The following PNPLA1 variants were observed in gnomAD, a reference collection of about 807,000 sequenced individuals.
PNPLA1 encodes omega-hydroxyceramide transacylase.
PNPLA1 carries 36 observed loss-of-function variants against 51.7 expected under a neutral mutation model. The observed-to-expected ratio is 0.70, with a 90% CI of 0.53 to 0.92. The LOEUF (loss-of-function observed/expected upper bound fraction) is 0.92, where lower values mean the gene tolerates loss of function less well. Ranked by LOEUF, PNPLA1 falls within the 40% of genes least tolerant of loss-of-function variation. The pLI, the probability that PNPLA1 is intolerant of heterozygous loss-of-function variation, is 0.00. For synonymous variants in PNPLA1, 293 were observed against 280.1 expected (o/e 1.05, Z -0.46); for missense variants, 658 against 682.5 (o/e 0.96, Z 0.40).
At chr6:36,305,511 A>G (rs1378314020) in intron 6 of PNPLA1, among the ~76,000 whole-genome samples, 1 of 152,198 alleles carries the variant, frequency 6.6e-6, no homozygotes, top group Admixed American at 6.5e-5. Flanking sequence ...TTATTTATAT[A>G]TAATACATAA....
chr6:36,307,762 G>A (rs777921033), intron 8 of PNPLA1, 50 bp downstream of exon 8: 36 of 1,606,290 alleles, frequency 2.2e-5, no homozygotes, highest in Non-Finnish European at 2.9e-5. Context: ...GCAGCTTTGG[G>A]AACTGTGTTC....
In PNPLA1 at chr6:36,270,093, G is replaced by T. The variant is rs1003460858; in HGVS notation, c.-367G>T. ...CCCTGTGCTGGGGAGCAGTGAATGC[G>T]CCCTGGTATACCATGGATGGGCAGA... is the stretch of plus-strand genomic sequence containing the variant. On this transcript the variant is annotated 5_prime_UTR_variant, in exon 1 of 9. Transcript: ENST00000636260. Among the ~76,000 whole-genome samples the T allele has an allele frequency of 1.3e-5, 2 of 152,248 alleles. No homozygotes were observed. Among genetic ancestry groups the T allele is most frequent in the Non-Finnish European group, 2.9e-5 (2 of 68,042 alleles).
Position 36,294,291 on chromosome 6 carries a change from G to T in PNPLA1, c.606G>T (p.Arg202=), listed in dbSNP as rs375591807. The change falls in exon 4 of 9, where the codon CGG becomes CGT. Residue 202 remains arginine (R), a synonymous_variant. Coordinates refer to ENST00000636260, the MANE Select transcript of PNPLA1 (RefSeq NM_001374623.1). The surrounding 1 kb of genome is among the most constrained non-coding windows in gnomAD (Gnocchi z 4.2). ...TFSGQQDICP[R]DCPAIFHDFR... ...GTGGGCAGCAGGACATCTGTCCCCG[G>T]GACTGCCCGGCCATCTTCCACGACT... 18 of 1,614,026 alleles carry T rather than the reference G, an allele frequency of 1.1e-5. No homozygotes were observed. The African/African-American group carries it at 2.4e-4, about 22-fold the overall frequency.
chr6:36,292,049 C>T (rs1359927793), intron 2 of PNPLA1, among the ~76,000 whole-genome samples: 5 of 152,140 alleles, frequency 3.3e-5, no homozygotes, highest in Non-Finnish European at 5.9e-5. Flanking sequence ...ATCCTGAGTG[C>T]GCTGCCCTAA....
At chr6:36,272,154 C>T (rs1295690677) in intron 1 of PNPLA1, among the ~76,000 whole-genome samples, 1 of 152,154 alleles carries the variant, frequency 6.6e-6, no homozygotes, top group Non-Finnish European at 1.5e-5. Context: ...AATAATTATA[C>T]AACTCACCAT....
Position 36,312,602 on chromosome 6 carries a change from A to C in PNPLA1, c.*716A>C, listed in dbSNP as rs1352476416. ...AGAACGGGAGCTGGAACGGGAGAGA[A>C]CCTGAGGACCCTGAGGCCAAGCCTG... On this transcript the variant is annotated 3_prime_UTR_variant, in exon 9 of 9. Coordinates refer to ENST00000636260, the MANE Select transcript of PNPLA1 (RefSeq NM_001374623.1). Among the ~76,000 whole-genome samples, 2 of 152,092 alleles carry C rather than the reference A, an allele frequency of 1.3e-5. No individual in the cohort carries two copies. Among genetic ancestry groups the C allele is most frequent in the African/African-American group, 4.8e-5 (2 of 41,396 alleles).
At chr6:36,265,409 A>G (rs1015632987), upstream of PNPLA1, among the ~76,000 whole-genome samples, 1 of 152,184 alleles carries the variant, frequency 6.6e-6, no homozygotes, top group African/African-American at 2.4e-5. Context: ...AAAAAAATCT[A>G]CTTCTTGGCT....
chr6:36,303,112 T>TTC (rs1771119897), intron 6 of PNPLA1, among the ~76,000 whole-genome samples: 1 of 152,182 alleles, frequency 6.6e-6, no homozygotes, highest in Non-Finnish European at 1.5e-5. Flanking sequence ...ATTTTTTTTT[T>TTC]TAGATGGAAT....
At chr6:36,269,542 C>T (rs1414005249), upstream of PNPLA1, among the ~76,000 whole-genome samples, 1 of 152,166 alleles carries the variant, frequency 6.6e-6, no homozygotes, top group Admixed American at 6.5e-5. Context: ...GAACACGCAA[C>T]ACGAAGCCTC....
rs571224988 is a variant in PNPLA1, at chr6:36,245,735, T to C, written c.-81+2474T>C. Reference sequence around the variant, plus strand: ...TCATTCAGTCCTCACAACAGCCTTGTGGGTACCTGGCAGGAACCGTCATCC... The same window carrying C: ...TCATTCAGTCCTCACAACAGCCTTGCGGGTACCTGGCAGGAACCGTCATCC... On this transcript the variant is annotated intron_variant, in intron 1 of 7. Coordinates refer to the PNPLA1 transcript ENST00000312917. 3.0e-4 allele frequency among the ~76,000 whole-genome samples: 45 copies of C among 152,332 alleles called. No individual in the cohort carries two copies. The South Asian group carries it at 6.8e-3, about 23-fold the overall frequency.
intron 1 of PNPLA1, among the ~76,000 whole-genome samples, chr6:36,253,731 G>A (rs752243829): frequency 7.9e-5 from 12 of 152,062 alleles, no homozygotes; most frequent in Middle Eastern, 3.2e-3. Flanking sequence ...CTCCTGCCTC[G>A]GCTTCCCAAA....
At chr6:36,303,470 C>T (rs553260433) in intron 6 of PNPLA1, among the ~76,000 whole-genome samples, 12 of 152,298 alleles carry the variant, frequency 7.9e-5, no homozygotes, top group East Asian at 7.7e-4. Flanking sequence ...AAAGATAAAA[C>T]GTTCTCAATT....
chr6:36,277,394 A>G (rs1582056492), intron 1 of PNPLA1, among the ~76,000 whole-genome samples: 1 of 152,240 alleles, frequency 6.6e-6, no homozygotes, highest in African/African-American at 2.4e-5. Flanking sequence ...GGAAATGTAG[A>G]CTTTATTTTT....
chr6:36,286,147 A>G (rs1215599090), intron 1 of PNPLA1, among the ~76,000 whole-genome samples: 1 of 152,246 alleles, frequency 6.6e-6, no homozygotes, highest in Non-Finnish European at 1.5e-5. Flanking sequence ...CCTCATCATA[A>G]TCCAGTAAGG....
intron 8 of PNPLA1, among the ~76,000 whole-genome samples, chr6:36,309,660 G>T (rs1771343934): frequency 6.6e-6 from 1 of 152,238 alleles, no homozygotes; most frequent in African/African-American, 2.4e-5. Flanking sequence ...TTCATAAACT[G>T]TGGGAAGCAT....
Position 36,293,104 on chromosome 6 carries a change from TC to T in PNPLA1, c.488del (p.Pro163ArgfsTer6). ...TTCGTCCCGGTGTACTGTGGCCTCATCCCCCCGACTTACCGCGGTGTGGTGA... is the reference window on the plus strand; with the variant it reads ...TTCGTCCCGGTGTACTGTGGCCTCATCCCCCGACTTACCGCGGTGTGGTGA... ...SCFVPVYCGL[I>X]PPTYRGVRYI... On this transcript the variant is annotated frameshift_variant, in exon 3 of 9. Coordinates refer to ENST00000636260, the MANE Select transcript of PNPLA1 (RefSeq NM_001374623.1). LOFTEE classifies it high-confidence loss of function. 1.2e-6 allele frequency: 2 copies of T among 1,613,638 alleles called. No individual in the cohort carries two copies. Among genetic ancestry groups the T allele is most frequent in the South Asian group, 1.1e-5 (1 of 91,052 alleles).
At chr6:36,290,565 G>C (rs998759541) in intron 1 of PNPLA1, among the ~76,000 whole-genome samples, 3 of 152,198 alleles carry the variant, frequency 2.0e-5, no homozygotes, top group Non-Finnish European at 4.4e-5. Context: ...AAGCAAGTTA[G>C]CACTTCTTAT....
intron 1 of PNPLA1, among the ~76,000 whole-genome samples, chr6:36,273,243 T>C (rs1035049534): frequency 7.4e-6 from 1 of 135,208 alleles, no homozygotes; most frequent in South Asian, 2.5e-4. Flanking sequence ...CTGTCTCAAA[T>C]AAATAAATAA....
intron 1 of PNPLA1, among the ~76,000 whole-genome samples, chr6:36,279,989 C>T (rs746452203): frequency 2.0e-5 from 3 of 151,744 alleles, no homozygotes; most frequent in African/African-American, 7.3e-5. Context: ...AGGCAGATCA[C>T]GAGGTTAGGA....
Sources: allele counts gnomAD v4.1 joint callset (sites outside exome capture counted in the v4.1 genomes callset), GRCh38; gene constraint gnomAD v4.1.1; non-coding constraint Gnocchi (gnomAD v3.1); transcripts MANE v1.5; gene names NCBI Gene and HGNC (gene_info 2026-07-23, HGNC 2026-07-21).